The following DLGAP2 variants were observed in gnomAD, a reference collection of about 807,000 sequenced individuals.
DLGAP2 encodes the protein disks large-associated protein 2.
Under a neutral mutation model 100.3 loss-of-function variants are expected in DLGAP2, and 26 were observed. The observed-to-expected ratio is 0.26, with a 90% CI of 0.19 to 0.36. DLGAP2 has a LOEUF of 0.36. Ranked by LOEUF, DLGAP2 falls within the 10% of genes least tolerant of loss-of-function variation. The pLI is 1.00. For missense variants in DLGAP2, 1,858 were observed against 1,453.2 expected (o/e 1.28, Z -4.53); for synonymous variants, 886 against 630.1 (o/e 1.41, Z -6.08).
intron 2 of DLGAP2, among the ~76,000 whole-genome samples, chr8:1,100,794 C>T (rs577629228): frequency 3.9e-5 from 6 of 152,178 alleles, no homozygotes; most frequent in African/African-American, 1.2e-4. Context: ...GCTGAGAAAC[C>T]GTGTGTTCTG....
intron 2 of DLGAP2, among the ~76,000 whole-genome samples, chr8:980,771 GC>G (rs1800308770): frequency 6.6e-6 from 1 of 152,130 alleles, no homozygotes; most frequent in Non-Finnish European, 1.5e-5. Context: ...GGGAATGGGG[GC>G]TCGACAGGTG....
chr8:993,747 A>G (rs1268919846), intron 2 of DLGAP2, among the ~76,000 whole-genome samples: 1 of 145,200 alleles, frequency 6.9e-6, no homozygotes. Flanking sequence ...GCAGTTCTCT[A>G]GATGCAGACT....
intron 2 of DLGAP2, among the ~76,000 whole-genome samples, chr8:1,120,515 C>T (rs889426497): frequency 6.6e-6 from 1 of 152,070 alleles, no homozygotes; most frequent in Non-Finnish European, 1.5e-5. Flanking sequence ...CCTTCGGAAC[C>T]CACAGCTACC....
intron 3 of DLGAP2, among the ~76,000 whole-genome samples, chr8:1,433,740 T>TTTA (rs1242493485): frequency 1.1e-5 from 1 of 93,596 alleles, no homozygotes; most frequent in Admixed American, 1.0e-4. Flanking sequence ...AAAACTGGCT[T>TTTA]TTTTTTTTTT....
chr8:1,177,306 G>C (rs1448283544), intron 2 of DLGAP2, among the ~76,000 whole-genome samples: 1 of 152,070 alleles, frequency 6.6e-6, no homozygotes, highest in East Asian at 1.9e-4. Context: ...TGTTCTTGGA[G>C]TATTTTTTGC....
chr8:1,139,675 G>C (rs1796486716), intron 2 of DLGAP2, among the ~76,000 whole-genome samples: 1 of 152,144 alleles, frequency 6.6e-6, no homozygotes, highest in South Asian at 2.1e-4. Context: ...TTTATCAAGG[G>C]AACAGTAAGG....
At chr8:1,572,330 T>G (rs1429403486) in intron 6 of DLGAP2, among the ~76,000 whole-genome samples, 1 of 106,188 alleles carries the variant, frequency 9.4e-6, no homozygotes, top group Non-Finnish European at 1.9e-5. Context: ...AGGAGTGAAC[T>G]GTGGGGGCGT....
intron 2 of DLGAP2, among the ~76,000 whole-genome samples, chr8:1,209,747 A>C (rs1292667889): frequency 1.3e-5 from 2 of 152,144 alleles, no homozygotes; most frequent in Non-Finnish European, 2.9e-5. Flanking sequence ...TTTTTCCAGG[A>C]ATTAGTCATA....
intron 3 of DLGAP2, among the ~76,000 whole-genome samples, chr8:1,332,797 T>C (rs1801188421): frequency 6.6e-6 from 1 of 152,130 alleles, no homozygotes; most frequent in Non-Finnish European, 1.5e-5. Flanking sequence ...TCCTGGACCA[T>C]TCATAACCAA....
At chr8:1,288,502 G>A (rs1799989294) in intron 3 of DLGAP2, among the ~76,000 whole-genome samples, 1 of 139,686 alleles carries the variant, frequency 7.2e-6, no homozygotes, top group Non-Finnish European at 1.5e-5. Flanking sequence ...GTGTGTGTGT[G>A]TGTGCATGGT....
At chr8:1,367,048 A>G (rs1802125646) in intron 3 of DLGAP2, among the ~76,000 whole-genome samples, 1 of 152,208 alleles carries the variant, frequency 6.6e-6, no homozygotes, top group Admixed American at 6.5e-5. Flanking sequence ...ACATGTGACC[A>G]CAGACCCCGG....
intron 2 of DLGAP2, among the ~76,000 whole-genome samples, chr8:1,065,300 C>G (rs1803211659): frequency 6.6e-6 from 1 of 152,238 alleles, no homozygotes; most frequent in South Asian, 2.1e-4. Context: ...AAGATAACAA[C>G]TGGCAGTAAA....
chr8:1,479,125 G>A (rs577571317), intron 3 of DLGAP2, among the ~76,000 whole-genome samples: 3 of 152,270 alleles, frequency 2.0e-5, no homozygotes, highest in Non-Finnish European at 4.4e-5. Context: ...GGGGGGCAAC[G>A]CTGGGACAGC....
At chr8:1,070,777 A>G (rs1280998327) in intron 2 of DLGAP2, among the ~76,000 whole-genome samples, 3 of 152,194 alleles carry the variant, frequency 2.0e-5, no homozygotes, top group African/African-American at 7.2e-5. Context: ...GTGCACAGGA[A>G]GAAGGACGCG....
chr8:760,587 G>T (rs7819958), intron 1 of DLGAP2, among the ~76,000 whole-genome samples: 2,768 of 152,232 alleles, frequency 0.018, 38 homozygotes, highest in Middle Eastern at 0.034. Flanking sequence ...GAGTTTGTCG[G>T]CTTTAACTCA....
intron 1 of DLGAP2, among the ~76,000 whole-genome samples, chr8:759,514 G>A (rs1380160644): frequency 2.0e-5 from 3 of 151,732 alleles, no homozygotes; most frequent in African/African-American, 7.3e-5. Flanking sequence ...TCCCTCCTGG[G>A]CTGCACATTC....
chr8:1,144,182 C>T (rs549426145), intron 2 of DLGAP2, among the ~76,000 whole-genome samples: 3 of 152,320 alleles, frequency 2.0e-5, no homozygotes, highest in South Asian at 4.1e-4. Context: ...TGGCTTCCAG[C>T]GGGCGCGTTT....
chr8:1,364,020 T>G (rs1390915562), intron 3 of DLGAP2, among the ~76,000 whole-genome samples: 1 of 152,122 alleles, frequency 6.6e-6, no homozygotes, highest in Non-Finnish European at 1.5e-5. Context: ...GTGGTACCCC[T>G]CACTGATCCT....
chr8:1,041,707 C>T (rs1166907130), intron 2 of DLGAP2, among the ~76,000 whole-genome samples: 1 of 113,490 alleles, frequency 8.8e-6, no homozygotes, highest in Non-Finnish European at 1.7e-5. Context: ...AGCCCCTTGC[C>T]GTGGGTGAGT....
Sources: allele counts gnomAD v4.1 joint callset (sites outside exome capture counted in the v4.1 genomes callset), GRCh38; gene constraint gnomAD v4.1.1; transcripts MANE v1.5; gene names NCBI Gene and HGNC (gene_info 2026-07-23, HGNC 2026-07-21).